The following CAPN3 variants were observed in gnomAD, a reference collection of about 807,000 sequenced individuals.
The protein encoded by CAPN3 is calpain-3.
Under a neutral mutation model 114.0 loss-of-function variants are expected in CAPN3, and 88 were observed. The observed-to-expected ratio is 0.77, with a 90% confidence interval of 0.65 to 0.92. CAPN3 has a LOEUF of 0.92. CAPN3 is among the 40% of genes least tolerant of loss of function. The pLI, the probability that CAPN3 is intolerant of heterozygous loss-of-function variation, is 0.00. For synonymous variants in CAPN3, 386 were observed against 382.9 expected, an observed-to-expected ratio of 1.01 and a Z score of -0.09; for missense variants, 1,028 against 1,069.0, an observed-to-expected ratio of 0.96 and a Z score of 0.53.
At chr15:42,409,530 A>G in intron 17 of CAPN3, 150 bp downstream of exon 17, 1 of 934,654 alleles carries the variant, frequency 1.1e-6, no homozygotes, top group Non-Finnish European at 1.7e-6. Flanking sequence ...ACAAATCCAC[A>G]AGCCCTTGAG....
chr15:42,360,788 A>G (rs915400191), intron 1 of CAPN3, among the ~76,000 whole-genome samples: 1 of 152,006 alleles, frequency 6.6e-6, no homozygotes, highest in East Asian at 1.9e-4. Context: ...GTTTTAGGAA[A>G]CTCTCCCAGC....
chr15:42,381,887 C>G (rs2053260239), intron 1 of CAPN3, among the ~76,000 whole-genome samples: 1 of 152,160 alleles, frequency 6.6e-6, no homozygotes, highest in Non-Finnish European at 1.5e-5. Context: ...TACTTATTCT[C>G]AGTCCTTATG....
intron 10 of CAPN3, among the ~76,000 whole-genome samples, chr15:42,400,411 TG>T (rs2053830472): frequency 1.3e-5 from 2 of 152,010 alleles, no homozygotes; most frequent in Non-Finnish European, 2.9e-5. Flanking sequence ...GATTCCCAGT[TG>T]GGGACCTGAC....
intron 6 of CAPN3, among the ~76,000 whole-genome samples, chr15:42,392,417 G>A (rs1184524951): frequency 6.6e-6 from 1 of 152,060 alleles, no homozygotes; most frequent in East Asian, 1.9e-4. Flanking sequence ...TGATGGTCAG[G>A]ACAGAGCCTT....
Position 42,405,909 on chromosome 15 carries a change from T to A in CAPN3, c.1783-17T>A. ...TTTTCACTTATTCTGCATTTACTGT[T>A]TCCTTTTCTTATGCAGAAAAAGAAA... On this transcript the variant is annotated splice_polypyrimidine_tract_variant and intron_variant, in intron 14 of 23. Coordinates refer to ENST00000397163, the MANE Select transcript of CAPN3 (RefSeq NM_000070.3). 1 of 1,608,738 alleles carries A rather than the reference T, an allele frequency of 6.2e-7. No individual in the cohort carries two copies. Among genetic ancestry groups the A allele is most frequent in the South Asian group, 1.1e-5 (1 of 90,978 alleles).
chr15:42,384,450 T>G (rs368885496), intron 1 of CAPN3, 33 bp from the exon 2 acceptor site: 16 of 1,512,068 alleles, frequency 1.1e-5, no homozygotes, highest in Non-Finnish European at 1.2e-5. Flanking sequence ...TCTACTGTTA[T>G]TCTTACCTGG....
chr15:42,375,101 G>T (rs919868722), intron 1 of CAPN3, among the ~76,000 whole-genome samples: 2 of 151,124 alleles, frequency 1.3e-5, no homozygotes, highest in African/African-American at 4.9e-5. Flanking sequence ...CAATCCTCTT[G>T]CCTAGGCCTC....
chr15:42,359,763 T>C lies in CAPN3; in HGVS notation c.-43T>C. ...CTTCCTTTCCTTGAAGGTAGCTGTA[T>C]CTTATTTTCTTTAAAAAGCTTTTTC... On this transcript the variant is annotated 5_prime_UTR_variant, in exon 1 of 24. Coordinates refer to ENST00000397163, the MANE Select transcript of CAPN3 (RefSeq NM_000070.3). 1 of 1,612,024 alleles carries C rather than the reference T, an allele frequency of 6.2e-7. No individual in the cohort carries two copies. The highest frequency in any genetic ancestry group is 8.5e-7 in the Non-Finnish European group (1 of 1,179,956).
At position 42,411,790 on chromosome 15, in the gene CAPN3, C is replaced by G. The variant is rs1208256707; in HGVS notation, c.*17C>G. Reference sequence around the variant, plus strand: ...TATGCCTGAACCAGGCTGGCCTCATCCAAAGCCATGCAGGATCACTCAGGA... The same window carrying G: ...TATGCCTGAACCAGGCTGGCCTCATGCAAAGCCATGCAGGATCACTCAGGA... On this transcript the variant is annotated 3_prime_UTR_variant, in exon 24 of 24. Coordinates refer to ENST00000397163, the MANE Select transcript of CAPN3 (RefSeq NM_000070.3). The G allele has an allele frequency of 1.2e-6, 2 of 1,611,678 alleles. No homozygotes were observed. The highest frequency in any genetic ancestry group is 2.7e-5 in the African/African-American group (2 of 74,536).
intron 4 of CAPN3, 65 bp downstream of exon 4, chr15:42,387,951 G>C (rs769422431): frequency 6.3e-7 from 1 of 1,596,022 alleles, no homozygotes; most frequent in South Asian, 1.1e-5. Context: ...AAATCCAGCC[G>C]AGACCTCACT....
chr15:42,405,125 G>A (rs1053146729), intron 14 of CAPN3, among the ~76,000 whole-genome samples: 7 of 152,176 alleles, frequency 4.6e-5, no homozygotes, highest in South Asian at 4.1e-4. Flanking sequence ...GATAGTTGCC[G>A]CAGGGATTAC....
At chr15:42,404,001 T>C (rs749395652) in intron 14 of CAPN3, 20 of 648,094 alleles carry the variant, frequency 3.1e-5, no homozygotes, top group Non-Finnish European at 5.1e-5. Flanking sequence ...CTGGGAAATA[T>C]GGAAGAGGGT....
At chr15:42,384,887 C>T (rs1207426897) in intron 2 of CAPN3, among the ~76,000 whole-genome samples, 6 of 152,212 alleles carry the variant, frequency 3.9e-5, no homozygotes, top group Non-Finnish European at 8.8e-5. Flanking sequence ...AGCTCTGTGA[C>T]TGTGCACCAA....
At chr15:42,399,998 C>G (rs2053820901) in intron 10 of CAPN3, among the ~76,000 whole-genome samples, 1 of 152,158 alleles carries the variant, frequency 6.6e-6, no homozygotes, top group Non-Finnish European at 1.5e-5. Flanking sequence ...TAAACATGCT[C>G]GGAACACTGA....
chr15:42,377,594 T>C (rs1375635540), intron 1 of CAPN3, among the ~76,000 whole-genome samples: 1 of 152,342 alleles, frequency 6.6e-6, no homozygotes, highest in East Asian at 1.9e-4. Flanking sequence ...GGATTTTGCT[T>C]CTATGTTCAT....
intron 17 of CAPN3, 107 bp from the exon 18 acceptor site, chr15:42,409,680 C>T (rs1000017273): frequency 7.6e-6 from 8 of 1,050,440 alleles, no homozygotes; most frequent in African/African-American, 1.6e-5. Flanking sequence ...ATAATAGCAC[C>T]GACAGGGATT....
intron 1 of CAPN3, among the ~76,000 whole-genome samples, chr15:42,368,700 A>G (rs1348059499): frequency 6.6e-6 from 1 of 152,232 alleles, no homozygotes; most frequent in Admixed American, 6.5e-5. Context: ...AATAATGAGT[A>G]TTGACTATAC....
rs371395429 is a variant in CAPN3 at position 42,411,365 on chromosome 15, C to T, written c.2439+20C>T. ...CTGGAGGTAAAGCATAGGCACAGCA[C>T]ATTCCCCCTACACATTAAAACTCAA... is the stretch of plus-strand genomic sequence containing the variant. On this transcript the variant is annotated intron_variant, in intron 23 of 23. Coordinates refer to ENST00000397163, the MANE Select transcript of CAPN3 (RefSeq NM_000070.3). The T allele has an allele frequency of 1.7e-4, 269 of 1,610,760 alleles. No homozygotes were observed. Among genetic ancestry groups the T allele is most frequent in the Middle Eastern group, 6.6e-4 (4 of 6,082 alleles).
chr15:42,409,265 T>C (rs1267567507), intron 16 of CAPN3, 38 bp from the exon 17 acceptor site: 1 of 1,602,644 alleles, frequency 6.2e-7, no homozygotes, highest in Admixed American at 1.7e-5. Context: ...TGTGCACCTC[T>C]GACCCCTGTG....
Sources: gnomAD v4.1 joint callset for allele counts (sites outside exome capture counted in the v4.1 genomes callset) on GRCh38, gnomAD v4.1.1 for gene constraint, MANE v1.5 for transcripts, NCBI Gene and HGNC (gene_info 2026-07-23, HGNC 2026-07-21) for gene names.